Variants in MSH3 observed in about 807,000 individuals in gnomAD.
MSH3 encodes the protein DNA mismatch repair protein Msh3.
Under a neutral mutation model 123.3 loss-of-function variants are expected in MSH3, and 106 were observed. The observed-to-expected ratio is 0.86, with a 90% CI of 0.73 to 1.01. MSH3 has a LOEUF of 1.01. MSH3 is among the 50% of genes least tolerant of loss of function. The pLI is 0.00. For synonymous variants in MSH3, 515 were observed against 481.4 expected (o/e 1.07, Z -0.91); for missense variants, 1,459 against 1,347.6 (o/e 1.08, Z -1.29).
intron 20 of MSH3, among the ~76,000 whole-genome samples, chr5:80,814,818 A>G (rs1745073794): frequency 6.6e-6 from 1 of 152,250 alleles, no homozygotes; most frequent in Non-Finnish European, 1.5e-5. Flanking sequence ...CAACTGACTA[A>G]GTCTTACCCT....
At chr5:80,829,179 A>C (rs1745376904) in intron 20 of MSH3, among the ~76,000 whole-genome samples, 1 of 152,186 alleles carries the variant, frequency 6.6e-6, no homozygotes, top group African/African-American at 2.4e-5. Flanking sequence ...TTAAGTTTCA[A>C]CTTGAATTTC....
At chr5:80,865,869 G>A (rs1746089725) in intron 22 of MSH3, among the ~76,000 whole-genome samples, 1 of 152,212 alleles carries the variant, frequency 6.6e-6, no homozygotes, top group Admixed American at 6.5e-5. Context: ...TAAGATAAAT[G>A]TAATGTTAGG....
intron 10 of MSH3, among the ~76,000 whole-genome samples, chr5:80,735,111 T>C (rs762518211): frequency 2.0e-5 from 3 of 152,078 alleles, no homozygotes; most frequent in Non-Finnish European, 2.9e-5. Flanking sequence ...CGGCCAGGTG[T>C]GGTGGCTTAT....
rs929135660 is a variant in MSH3, at chr5:80,743,801, G to A, written c.1654-705G>A. On this transcript the variant is annotated intron_variant, in intron 11 of 23. Coordinates refer to ENST00000265081, the MANE Select transcript of MSH3 (RefSeq NM_002439.5). ...GGAGCTTGCAGTGAGCCGAGATCGC[G>A]CCACTGCACTCCAGCCTGGGCGACA... is the stretch of plus-strand genomic sequence containing the variant. 2.5e-4 allele frequency among the ~76,000 whole-genome samples: 2 copies of A among 8,070 alleles called. 1 individual carries two copies. Among genetic ancestry groups the A allele is most frequent in the African/African-American group, 1.1e-3 (2 of 1,826 alleles). 5.3% of individuals were successfully genotyped at this position (8,070 alleles called of 152,430 possible). A position where few individuals can be genotyped will look rare whatever the true frequency, so the allele number is the denominator to read the frequency against.
intron 13 of MSH3, among the ~76,000 whole-genome samples, chr5:80,762,864 G>C (rs1330044375): frequency 2.5e-5 from 2 of 79,834 alleles, no homozygotes; most frequent in Admixed American, 3.0e-4. Context: ...TTTTATTTTT[G>C]AGACAGACTT....
chr5:80,850,649 C>G (rs1745815110), intron 20 of MSH3, among the ~76,000 whole-genome samples: 1 of 152,112 alleles, frequency 6.6e-6, no homozygotes. Context: ...AAGACCTGCC[C>G]CCATAATTCA....
intron 8 of MSH3, among the ~76,000 whole-genome samples, chr5:80,684,702 A>C (rs1005113040): frequency 3.9e-5 from 6 of 152,102 alleles, no homozygotes; most frequent in Non-Finnish European, 8.8e-5. Flanking sequence ...TAGGACTATT[A>C]TGTTGAATAG....
chr5:80,757,577 CTCT>C (rs1743949331), intron 12 of MSH3, among the ~76,000 whole-genome samples: 1 of 152,066 alleles, frequency 6.6e-6, no homozygotes, highest in African/African-American at 2.4e-5. Flanking sequence ...TCCCCAGGAC[CTCT>C]TCTTTTTGTT....
At chr5:80,745,522 A>G (rs1050699968) in intron 12 of MSH3, among the ~76,000 whole-genome samples, 5 of 152,254 alleles carry the variant, frequency 3.3e-5, no homozygotes, top group African/African-American at 1.2e-4. Flanking sequence ...GCTGGTAGAG[A>G]TAAATATAAG....
rs146475000 is a variant in MSH3, at chr5:80,675,118, T to C, written c.1163T>C (p.Ile388Thr). The C allele has an allele frequency of 1.2e-6, 2 of 1,613,698 alleles. No homozygotes were observed. Among genetic ancestry groups the C allele is most frequent in the African/African-American group, 2.7e-5 (2 of 74,886 alleles). ...VRDKKKGNIF[I>T]GIVGVQPATG... ...GACAAAAAAAAGGGCAACATTTTTA[T>C]TGGCATTGTGGTAAGTACTTTGCAG... is the stretch of plus-strand genomic sequence containing the variant. Residue 388 changes from isoleucine (I) to threonine (T), a missense_variant, in exon 7 of 24, where the codon ATT becomes ACT. Transcript: ENST00000265081.
At chr5:80,819,448 G>A (rs1452330573) in intron 20 of MSH3, among the ~76,000 whole-genome samples, 1 of 138,330 alleles carries the variant, frequency 7.2e-6, no homozygotes, top group Non-Finnish European at 1.5e-5. Flanking sequence ...ATATGTATAT[G>A]TGTGTGTGTG....
At chr5:80,784,351 C>A (rs1744467170) in intron 17 of MSH3, among the ~76,000 whole-genome samples, 1 of 151,674 alleles carries the variant, frequency 6.6e-6, no homozygotes, top group African/African-American at 2.4e-5. Flanking sequence ...ACACCCAGGG[C>A]AGTTAGGTCA....
intron 2 of MSH3, among the ~76,000 whole-genome samples, chr5:80,662,879 A>T (rs908628139): frequency 6.6e-6 from 1 of 152,102 alleles, no homozygotes. Flanking sequence ...TGGGACATAC[A>T]CACAGACCAG....
intron 20 of MSH3, among the ~76,000 whole-genome samples, chr5:80,851,127 T>G (rs1030632426): frequency 4.9e-4 from 75 of 152,184 alleles, no homozygotes; most frequent in African/African-American, 1.8e-3. Context: ...ATTGGATATT[T>G]GATTTTTTCC....
intron 17 of MSH3, among the ~76,000 whole-genome samples, chr5:80,782,975 C>G (rs1394910246): frequency 6.6e-6 from 1 of 152,148 alleles, no homozygotes; most frequent in Non-Finnish European, 1.5e-5. Flanking sequence ...AAACATGTCT[C>G]TCTTTTTTTT....
At chr5:80,741,943 T>TAAAAC (rs10656969) in intron 11 of MSH3, among the ~76,000 whole-genome samples, 151,483 of 152,090 alleles carry the variant, frequency 1, 75,439 homozygotes, top group Middle Eastern at 1. Context: ...ATTCAGGTTA[T>TAAAAC]AGGTTTCTGG....
intron 20 of MSH3, among the ~76,000 whole-genome samples, chr5:80,852,134 C>G (rs1174730096): frequency 1.3e-5 from 2 of 152,106 alleles, no homozygotes; most frequent in Non-Finnish European, 2.9e-5. Flanking sequence ...AACAACAGCC[C>G]AGGCAACATA....
chr5:80,668,782 C>G (rs1428402379), intron 3 of MSH3, among the ~76,000 whole-genome samples: 1 of 152,132 alleles, frequency 6.6e-6, no homozygotes, highest in Non-Finnish European at 1.5e-5. Flanking sequence ...GGGTGGGGCT[C>G]CTGCCTGCTC....
chr5:80,670,081 A>G lies in MSH3; in HGVS notation c.580-16A>G. The G allele has an allele frequency of 1.9e-6, 3 of 1,612,128 alleles. No homozygotes were observed. The South Asian group carries it at 3.3e-5, about 18-fold the overall frequency. On this transcript the variant is annotated splice_polypyrimidine_tract_variant and intron_variant, in intron 3 of 23. Transcript: ENST00000265081. ...GGTTAATATTTTTAAAACTTTATAC[A>G]TCTTTTGGTTGCCAGGACACAACAC...
Sources: gnomAD v4.1 joint callset for allele counts (sites outside exome capture counted in the v4.1 genomes callset) on GRCh38, gnomAD v4.1.1 for gene constraint, MANE v1.5 for transcripts, NCBI Gene and HGNC (gene_info 2026-07-23, HGNC 2026-07-21) for gene names.